Variants in YLPM1 observed in about 807,000 individuals in gnomAD.
YLPM1 encodes the protein YLP motif containing 1.
Under a neutral mutation model 230.0 loss-of-function variants are expected in YLPM1, and 99 were observed. The ratio of observed to expected loss-of-function variants is 0.43; its 90% CI spans 0.37 to 0.51. YLPM1 has a LOEUF of 0.51. Among genes scored for constraint, YLPM1 ranks in the 20% least tolerant of loss-of-function variants. The pLI is 0.00. For missense variants in YLPM1, 2,592 were observed against 2,707.7 expected (o/e 0.96, Z 0.95); for synonymous variants, 984 against 942.5 (o/e 1.04, Z -0.81).
In YLPM1 at chr14:74,802,690, T is replaced by G; in HGVS notation, c.4521+14T>G. ...GGAATGTATCCGGTATGGGAGAATG[T>G]GTGCTCAGAAAATGAAATGGTTTCT... is the stretch of plus-strand genomic sequence containing the variant. On this transcript the variant is annotated intron_variant, in intron 6 of 20. Coordinates refer to ENST00000325680, the MANE Select transcript of YLPM1 (RefSeq NM_019589.3). 1 of 1,580,470 alleles carries G rather than the reference T, an allele frequency of 6.3e-7. No homozygotes were observed. Among genetic ancestry groups the G allele is most frequent in the Non-Finnish European group, 8.6e-7 (1 of 1,165,982 alleles).
At position 74,799,165 on chromosome 14, in the gene YLPM1, G is replaced by A; in HGVS notation, c.3868G>A (p.Val1290Met). The A allele has an allele frequency of 6.2e-7, 1 of 1,613,946 alleles. No homozygotes were observed. The highest frequency in any genetic ancestry group is 8.5e-7 in the Non-Finnish European group (1 of 1,179,850). ...AATGGAAAGGGACATGGACAGGGAT[G>A]TGGATCGGATTTCAAGACCTATGGA... Reference protein sequence around the residue: ...REMERDMDRDVDRISRPMDMY... With the variant: ...REMERDMDRDMDRISRPMDMY... Residue 1290 changes from valine (V) to methionine (M), a missense_variant, in exon 5 of 21, where the codon GTG (valine) becomes ATG (methionine). By Grantham distance (21) the Val-to-Met change is conservative (BLOSUM62 1). This residue lies in a region of YLPM1 where 1,862 missense variants were observed against 1,819.8 expected (regional missense o/e 1.02). Coordinates refer to ENST00000325680, the MANE Select transcript of YLPM1 (RefSeq NM_019589.3).
chr14:74,796,963 A>G (rs1042109230), intron 4 of YLPM1, among the ~76,000 whole-genome samples: 3 of 130,134 alleles, frequency 2.3e-5, no homozygotes, highest in African/African-American at 8.1e-5. Context: ...CAGTATTTAT[A>G]ATTGCTTTTT....
intron 1 of YLPM1, among the ~76,000 whole-genome samples, chr14:74,764,870 G>A (rs1261724590): frequency 6.6e-6 from 1 of 152,122 alleles, no homozygotes; most frequent in Non-Finnish European, 1.5e-5. Context: ...TTCAGAAAAA[G>A]GATGGAAATC....
chr14:74,807,987 A>T (rs995543356), intron 6 of YLPM1, among the ~76,000 whole-genome samples: 6 of 152,320 alleles, frequency 3.9e-5, no homozygotes, highest in Admixed American at 2.0e-4. Context: ...GGGTTTTTTT[A>T]AAATTTTGAA....
At chr14:74,808,939 G>A (rs576768881) in intron 6 of YLPM1, among the ~76,000 whole-genome samples, 1 of 151,632 alleles carries the variant, frequency 6.6e-6, no homozygotes, top group Non-Finnish European at 1.5e-5. Flanking sequence ...ATTTGTTTTT[G>A]TCTGTCTTAT....
rs761757468 is a variant in YLPM1, at chr14:74,799,074, T to C, written c.3777T>C (p.Asp1259=). 6 of 1,613,936 alleles carry C rather than the reference T, an allele frequency of 3.7e-6. No homozygotes were observed. The highest frequency in any genetic ancestry group is 1.3e-5 in the African/African-American group (1 of 75,006). ...CACCATCTCGGTCTCATGATGGAGA[T>C]AGGCGAGGCCCTTGGTGGGATGATT... ...SAPPSRSHDG[D]RRGPWWDDWE... is the part of the protein sequence containing the mutation. Residue 1259 remains aspartate, a synonymous_variant, in exon 5 of 21, where the codon GAT becomes GAC. Coordinates refer to ENST00000325680, the MANE Select transcript of YLPM1 (RefSeq NM_019589.3).
intron 6 of YLPM1, among the ~76,000 whole-genome samples, chr14:74,806,508 C>T (rs954419617): frequency 6.6e-6 from 1 of 152,130 alleles, no homozygotes; most frequent in Non-Finnish European, 1.5e-5. Context: ...AGGAGAATTG[C>T]TTGAACCTGA....
At chr14:74,829,190 A>T (rs751803603) in intron 18 of YLPM1, 23 bp from the exon 19 acceptor site, 1 of 1,612,048 alleles carries the variant, frequency 6.2e-7, no homozygotes, top group African/African-American at 1.3e-5. Context: ...CCTTAATGCT[A>T]CGGCTCTGTG....
At chr14:74,789,467 T>G (rs2091184019) in intron 4 of YLPM1, among the ~76,000 whole-genome samples, 2 of 152,260 alleles carry the variant, frequency 1.3e-5, no homozygotes, top group East Asian at 3.9e-4. Context: ...TCCATCTGCC[T>G]TGGCCTCCCT....
At chr14:74,815,121 C>T (rs928286764) in intron 11 of YLPM1, among the ~76,000 whole-genome samples, 5 of 152,174 alleles carry the variant, frequency 3.3e-5, no homozygotes, top group African/African-American at 9.7e-5. Context: ...GCTGGGGTTG[C>T]ACTCCTGGGC....
chr14:74,834,080 G>A (rs926842708), intron 19 of YLPM1, among the ~76,000 whole-genome samples: 1 of 151,766 alleles, frequency 6.6e-6, no homozygotes, highest in African/African-American at 2.4e-5. Context: ...TGGGCATGGT[G>A]GCTCATGCTT....
chr14:74,800,887 A>G (rs775824895), intron 5 of YLPM1, among the ~76,000 whole-genome samples: 3 of 152,214 alleles, frequency 2.0e-5, no homozygotes, highest in Non-Finnish European at 2.9e-5. Context: ...CAGTCTGTCT[A>G]TCTCAAAGGC....
At position 74,798,609 on chromosome 14, in the gene YLPM1, T is replaced by A. The variant is rs1226500237; in HGVS notation, c.3312T>A (p.Gly1104=). The A allele has an allele frequency of 1.2e-6, 2 of 1,611,616 alleles. No individual in the cohort carries two copies. The highest frequency in any genetic ancestry group is 1.7e-6 in the Non-Finnish European group (2 of 1,178,770). The change falls in exon 5 of 21, where the codon GGT becomes GGA. Residue 1104 remains glycine (G), a synonymous_variant. Coordinates refer to ENST00000325680, the MANE Select transcript of YLPM1 (RefSeq NM_019589.3). The part of the protein sequence containing the change: ...PGGLQGSQDR[G]AAGSRERGPP... ...GTCTTCAAGGGAGCCAGGACAGGGG[T>A]GCAGCTGGCAGCCGAGAAAGGGGAC...
chr14:74,764,956 G>T (rs1475744486), intron 1 of YLPM1, among the ~76,000 whole-genome samples: 1 of 152,024 alleles, frequency 6.6e-6, no homozygotes, highest in African/African-American at 2.4e-5. Flanking sequence ...GACCCTTTTG[G>T]GGATCGATTG....
At position 74,816,458 on chromosome 14, in the gene YLPM1, G is replaced by A; in HGVS notation, c.5566-113G>A. The A allele has an allele frequency of 5.0e-6, 7 of 1,399,340 alleles. No individual in the cohort carries two copies. In the South Asian group the frequency reaches 1.0e-4, roughly 21 times the overall value. 86.7% of individuals were successfully genotyped at this position (1,399,340 alleles called of 1,614,324 possible). On this transcript the variant is annotated intron_variant, in intron 12 of 20. Transcript: ENST00000325680. Reference sequence around the variant, plus strand: ...CAGAGAAACATTTTTGCCTCTGCTTGATTTGAAACCACCAGAAGATTGTAT... The same window carrying A: ...CAGAGAAACATTTTTGCCTCTGCTTAATTTGAAACCACCAGAAGATTGTAT...
At chr14:74,769,381 TCCTGCCTCAG>T (rs1284170422) in intron 1 of YLPM1, among the ~76,000 whole-genome samples, 31 of 143,354 alleles carry the variant, frequency 2.2e-4, no homozygotes, top group African/African-American at 5.8e-4. Flanking sequence ...CAAACAATTC[TCCTGCCTCAG>T]CCTGCCTCAG....
chr14:74,781,136 A>G (rs933270521), intron 3 of YLPM1, among the ~76,000 whole-genome samples, 198 bp from the exon 4 acceptor site: 2 of 152,202 alleles, frequency 1.3e-5, no homozygotes, highest in Admixed American at 6.5e-5. Flanking sequence ...CCAACTCTGT[A>G]GTAAGTTGTC....
intron 1 of YLPM1, among the ~76,000 whole-genome samples, chr14:74,769,935 C>G (rs2090960207): frequency 6.7e-6 from 1 of 148,942 alleles, no homozygotes; most frequent in African/African-American, 2.5e-5. Context: ...GTAATCCCAG[C>G]ACTTTGGGAG....
intron 6 of YLPM1, among the ~76,000 whole-genome samples, chr14:74,805,539 CAG>C (rs1461211800): frequency 6.6e-6 from 1 of 150,530 alleles, no homozygotes; most frequent in Non-Finnish European, 1.5e-5. Flanking sequence ...TTAGTAGGGA[CAG>C]GGTCTCGCGT....
Sources: allele counts gnomAD v4.1 joint callset (sites outside exome capture counted in the v4.1 genomes callset), GRCh38; gene constraint gnomAD v4.1.1; regional missense constraint gnomAD v4.1.1; transcripts MANE v1.5; gene names NCBI Gene and HGNC (gene_info 2026-07-23, HGNC 2026-07-21).